Variants in VRK2 observed in about 807,000 individuals in gnomAD.
The protein encoded by VRK2 is serine/threonine-protein kinase VRK2.
In VRK2, 60 loss-of-function variants were observed where a neutral mutation model predicts 57.6. The ratio of observed to expected loss-of-function variants is 1.04; its 90% confidence interval spans 0.85 to 1.29. The LOEUF is 1.29. Ranked by LOEUF, VRK2 falls within the 50% of genes most tolerant of loss-of-function variation. The probability of loss-of-function intolerance (pLI) is 0.00; values close to 1 mark genes in which losing one functional copy is unlikely to be tolerated. For missense variants in VRK2, 705 were observed against 588.1 expected (o/e 1.20, Z -2.06); for synonymous variants, 231 against 199.2 (o/e 1.16, Z -1.35).
At chr2:58,099,028 A>G (rs140972707) in intron 7 of VRK2, among the ~76,000 whole-genome samples, 10 of 152,128 alleles carry the variant, frequency 6.6e-5, no homozygotes, top group South Asian at 2.1e-4. Flanking sequence ...ATCGATAACT[A>G]GAACAGTGGC....
intron 1 of VRK2, among the ~76,000 whole-genome samples, chr2:58,020,992 T>G (rs1673737854): frequency 6.6e-6 from 1 of 152,164 alleles, no homozygotes; most frequent in African/African-American, 2.4e-5. Flanking sequence ...TATACAATTA[T>G]AAAAGAAACA....
At chr2:58,032,135 T>C (rs558373445) in intron 2 of VRK2, among the ~76,000 whole-genome samples, 2 of 152,060 alleles carry the variant, frequency 1.3e-5, no homozygotes, top group African/African-American at 4.8e-5. Flanking sequence ...ATCTCTTCCA[T>C]AGGAGTTGTT....
intron 7 of VRK2, among the ~76,000 whole-genome samples, chr2:58,090,817 T>TGAA (rs1672274625): frequency 6.6e-6 from 1 of 152,190 alleles, no homozygotes; most frequent in African/African-American, 2.4e-5. Context: ...AAGATGTCTT[T>TGAA]GAGTAGGTGA....
At chr2:58,051,925 G>A (rs1437759046) in intron 2 of VRK2, among the ~76,000 whole-genome samples, 2 of 152,156 alleles carry the variant, frequency 1.3e-5, no homozygotes, top group Admixed American at 6.5e-5. Flanking sequence ...GGAGGAAAAA[G>A]GAAGAAAGGA....
At chr2:58,070,606 A>G (rs556341713) in intron 2 of VRK2, among the ~76,000 whole-genome samples, 1 of 152,254 alleles carries the variant, frequency 6.6e-6, no homozygotes, top group Non-Finnish European at 1.5e-5. Context: ...TTCTTTCACA[A>G]AACTATATGT....
intron 2 of VRK2, among the ~76,000 whole-genome samples, chr2:58,031,927 C>A (rs1480082065): frequency 6.6e-6 from 1 of 152,090 alleles, no homozygotes; most frequent in South Asian, 2.1e-4. Flanking sequence ...TCATTCTTAA[C>A]AGATTCTTTG....
At position 58,064,371 on chromosome 2, in the gene VRK2, C is replaced by G. The variant is rs564155568; in HGVS notation, c.136+15404C>G. ...GCCACAGTCACCGCAGTCTTCAGCA[C>G]CCACTACCCTGATCAGTCAGCAGCT... On this transcript the variant is annotated intron_variant, in intron 2 of 12. Coordinates refer to ENST00000340157, the MANE Select transcript of VRK2 (RefSeq NM_006296.7). Among the ~76,000 whole-genome samples the G allele has an allele frequency of 1.0e-3, 158 of 152,194 alleles. 2 individuals carry two copies. Among genetic ancestry groups the G allele is most frequent in the African/African-American group, 3.4e-3 (143 of 41,554 alleles).
chr2:58,045,973 AG>A (rs1316205176), upstream of VRK2, among the ~76,000 whole-genome samples: 1 of 152,056 alleles, frequency 6.6e-6, no homozygotes, highest in Non-Finnish European at 1.5e-5. Flanking sequence ...CCTGCCGAGT[AG>A]CTGGGATTAC....
chr2:57,925,942 T>C (rs543187075), intron 1 of VRK2, among the ~76,000 whole-genome samples: 12 of 152,096 alleles, frequency 7.9e-5, no homozygotes, highest in African/African-American at 2.9e-4. Context: ...TTATCATTTG[T>C]TTGAAAAAAA....
chr2:58,004,450 T>C (rs184624463), intron 1 of VRK2, among the ~76,000 whole-genome samples: 217 of 152,314 alleles, frequency 1.4e-3, no homozygotes, highest in African/African-American at 4.7e-3. Flanking sequence ...GACTGTTTTC[T>C]AATCTGTTAT....
At chr2:57,963,552 T>C (rs552057569) in intron 1 of VRK2, among the ~76,000 whole-genome samples, 1 of 152,320 alleles carries the variant, frequency 6.6e-6, no homozygotes, top group South Asian at 2.1e-4. Flanking sequence ...CACATTACCG[T>C]ATGCTGCATG....
chr2:58,097,610 G>A (rs150032967), intron 7 of VRK2, among the ~76,000 whole-genome samples: 2 of 152,078 alleles, frequency 1.3e-5, no homozygotes, highest in Non-Finnish European at 1.5e-5. Flanking sequence ...AGTCAGCAAC[G>A]GACCACATAT....
chr2:58,139,555 C>A, intron 10 of VRK2, 111 bp from the exon 11 acceptor site: 1 of 890,022 alleles, frequency 1.1e-6, no homozygotes, highest in Non-Finnish European at 1.7e-6. Context: ...TTAGTTTCTT[C>A]AGGAGATGTA....
chr2:57,966,732 A>G (rs1219339706), intron 1 of VRK2, among the ~76,000 whole-genome samples: 2 of 152,236 alleles, frequency 1.3e-5, no homozygotes, highest in African/African-American at 2.4e-5. Context: ...AAATAAGAAT[A>G]ACAGTTATGA....
intron 2 of VRK2, among the ~76,000 whole-genome samples, chr2:58,078,477 T>G (rs748152627): frequency 5.3e-5 from 8 of 152,146 alleles, no homozygotes; most frequent in Non-Finnish European, 1.2e-4. Flanking sequence ...CATGTATTTC[T>G]TCAGGATCTT....
intron 1 of VRK2, among the ~76,000 whole-genome samples, chr2:57,938,967 A>G (rs940751280): frequency 1.3e-5 from 2 of 152,238 alleles, no homozygotes; most frequent in South Asian, 2.1e-4. Context: ...AATGAGACAT[A>G]ATATTACAGA....
At chr2:58,154,382 A>G (rs968458218) in intron 12 of VRK2, among the ~76,000 whole-genome samples, 6 of 151,726 alleles carry the variant, frequency 4.0e-5, no homozygotes, top group Admixed American at 6.6e-5. Flanking sequence ...ATGGGGTACA[A>G]TGTGATGCTT....
chr2:58,126,596 A>C (rs1348667404), intron 8 of VRK2, among the ~76,000 whole-genome samples: 2 of 152,156 alleles, frequency 1.3e-5, no homozygotes, highest in Non-Finnish European at 2.9e-5. Flanking sequence ...ACTCCTGTAC[A>C]TCTGCATATC....
rs190315944 is a variant in VRK2 at position 57,985,211 on chromosome 2, A to G, written c.-438-40454A>G. Among the ~76,000 whole-genome samples, 5 of 152,180 alleles carry G rather than the reference A, an allele frequency of 3.3e-5. No homozygotes were observed. The East Asian group carries it at 9.6e-4, about 29-fold the overall frequency. Reference sequence around the variant, plus strand: ...TGGATTTCTGCAATTCACTAATGCAATCATAAAGTCTAAAGGTTAATGAAA... The same window carrying G: ...TGGATTTCTGCAATTCACTAATGCAGTCATAAAGTCTAAAGGTTAATGAAA... On this transcript the variant is annotated intron_variant, in intron 1 of 15. Coordinates refer to the VRK2 transcript ENST00000417641.
Sources: gnomAD v4.1 joint callset for allele counts (sites outside exome capture counted in the v4.1 genomes callset) on GRCh38, gnomAD v4.1.1 for gene constraint, MANE v1.5 for transcripts, NCBI Gene and HGNC (gene_info 2026-07-23, HGNC 2026-07-21) for gene names.